Variants in ZNF521 observed in about 807,000 individuals in gnomAD.
ZNF521 encodes zinc finger protein 521.
In ZNF521, 14 loss-of-function variants were observed where a neutral mutation model predicts 105.5. The ratio of observed to expected loss-of-function variants is 0.13; its 90% CI spans 0.09 to 0.21. ZNF521 has a LOEUF of 0.21. ZNF521 is among the 10% of genes least tolerant of loss of function. ZNF521 has a pLI of 1.00. For missense variants in ZNF521, 1,233 were observed against 1,629.7 expected (o/e 0.76, Z 4.19); for synonymous variants, 635 against 606.0 (o/e 1.05, Z -0.70).
intron 3 of ZNF521, among the ~76,000 whole-genome samples, chr18:25,246,379 T>C (rs116913673): frequency 6.6e-6 from 1 of 152,220 alleles, no homozygotes; most frequent in Non-Finnish European, 1.5e-5. Context: ...TCAGTGCGTA[T>C]AACACCACAA....
At chr18:25,258,513 T>A (rs1447548507) in intron 3 of ZNF521, among the ~76,000 whole-genome samples, 1 of 152,078 alleles carries the variant, frequency 6.6e-6, no homozygotes, top group African/African-American at 2.4e-5. Context: ...CAAGAAAAAA[T>A]TCCTAATGGC....
intron 2 of ZNF521, among the ~76,000 whole-genome samples, chr18:25,338,259 T>TGTGTG (rs769552251): frequency 4.4e-5 from 6 of 136,508 alleles, no homozygotes; most frequent in Admixed American, 3.0e-4. Context: ...TCATAGACTT[T>TGTGTG]TGTGTGTGTG....
intron 3 of ZNF521, among the ~76,000 whole-genome samples, chr18:25,255,934 G>GTA (rs975278955): frequency 2.7e-5 from 4 of 148,224 alleles, no homozygotes; most frequent in Admixed American, 6.8e-5. Context: ...AAAATGTGGT[G>GTA]TATATATATG....
chr18:25,237,495 C>T (rs1453632952), intron 3 of ZNF521, among the ~76,000 whole-genome samples: 1 of 152,014 alleles, frequency 6.6e-6, no homozygotes, highest in Non-Finnish European at 1.5e-5. Flanking sequence ...AATATTCCAA[C>T]ACCTGTGACA....
At chr18:25,073,480 G>A (rs2033275750) in intron 7 of ZNF521, among the ~76,000 whole-genome samples, 1 of 152,142 alleles carries the variant, frequency 6.6e-6, no homozygotes, top group Non-Finnish European at 1.5e-5. Flanking sequence ...TTGAAATTTA[G>A]TTACACACTG....
chr18:25,099,506 A>G (rs1343470721), intron 5 of ZNF521, among the ~76,000 whole-genome samples: 1 of 152,180 alleles, frequency 6.6e-6, no homozygotes, highest in Non-Finnish European at 1.5e-5. Context: ...TTATTTCCAG[A>G]AGAAAAATAT....
chr18:25,245,862 A>C lies in ZNF521; in HGVS notation c.221-18165T>G, dbSNP rs566851432. Among the ~76,000 whole-genome samples, 3 of 152,198 alleles carry C rather than the reference A, an allele frequency of 2.0e-5. No individual in the cohort carries two copies. The Middle Eastern group carries it at 0.01, about 518-fold the overall frequency. ...ACCCATCTCTACAAAAAATTTAAAAATTAGCCAGATGTGATGGTACATGCC... is the reference window on the plus strand; with the variant it reads ...ACCCATCTCTACAAAAAATTTAAAACTTAGCCAGATGTGATGGTACATGCC... On this transcript the variant is annotated intron_variant, in intron 3 of 7. Transcript: ENST00000361524.
At chr18:25,112,217 C>T (rs1159302637) in intron 5 of ZNF521, among the ~76,000 whole-genome samples, 1 of 152,190 alleles carries the variant, frequency 6.6e-6, no homozygotes, top group African/African-American at 2.4e-5. Context: ...TGAAATGAAT[C>T]TCTTTAATAA....
intron 2 of ZNF521, among the ~76,000 whole-genome samples, chr18:25,348,606 G>A (rs1289563076): frequency 6.6e-6 from 1 of 152,160 alleles, no homozygotes; most frequent in Non-Finnish European, 1.5e-5. Flanking sequence ...TGATAGGAGA[G>A]AACAGCACTG....
intron 3 of ZNF521, among the ~76,000 whole-genome samples, chr18:25,254,747 C>T (rs562476250): frequency 6.6e-6 from 1 of 152,110 alleles, no homozygotes; most frequent in South Asian, 2.1e-4. Context: ...TATTTGATAC[C>T]CACTGTTTTC....
intron 7 of ZNF521, among the ~76,000 whole-genome samples, chr18:25,073,439 T>A (rs2033274592): frequency 6.6e-6 from 1 of 152,238 alleles, no homozygotes; most frequent in African/African-American, 2.4e-5. Context: ...TCCACTGGCA[T>A]CATTTACTTC....
In ZNF521 at chr18:25,225,096, G is replaced by T; in HGVS notation, c.2822C>A (p.Ser941Tyr). The T allele has an allele frequency of 6.2e-7, 1 of 1,614,180 alleles. No individual in the cohort carries two copies. The highest frequency in any genetic ancestry group is 8.5e-7 in the Non-Finnish European group (1 of 1,180,024). Reference protein sequence around the residue: ...KCNVCSRTFFSENGLREHMQT... With the variant: ...KCNVCSRTFFYENGLREHMQT... ...CATATGTTCCCGGAGGCCATTTTCG[G>T]AGAAGAAGGTTCGAGAGCACACGTT... The change falls in exon 4 of 8, where the codon TCC becomes TAC. Residue 941 changes from serine (S) to tyrosine (Y), a missense_variant. Physicochemically the swap from Ser to Tyr is moderately radical, Grantham distance 144. This residue lies in a region of ZNF521 where 614 missense variants were observed against 751.5 expected (regional missense o/e 0.82). Transcript: ENST00000361524. This position sits in a 1 kb window ranked among gnomAD's most constrained non-coding sequence, Gnocchi z 5.6.
At chr18:25,152,382 T>C (rs2035064325) in intron 5 of ZNF521, among the ~76,000 whole-genome samples, 2 of 150,556 alleles carry the variant, frequency 1.3e-5, no homozygotes, top group Admixed American at 1.3e-4. Context: ...GGGAGGCTGA[T>C]GTAGGAGAAT....
In ZNF521 at chr18:25,350,936, C is replaced by A; in HGVS notation, c.11G>T (p.Arg4Leu). 1 of 1,550,152 alleles carries A rather than the reference C, an allele frequency of 6.5e-7. No homozygotes were observed. Among genetic ancestry groups the A allele is most frequent in the Non-Finnish European group, 8.7e-7 (1 of 1,146,142 alleles). The change falls in exon 2 of 8, where the codon CGC becomes CTC. Residue 4 changes from arginine (R) to leucine (L), a missense_variant. Around this residue, in one of 6 missense-constraint regions of ZNF521, gnomAD observed 76 missense variants for 79.3 expected, o/e 0.96. Coordinates refer to ENST00000361524, the MANE Select transcript of ZNF521 (RefSeq NM_015461.3). MSR[R>L]KQAKPRSLKD... is the part of the protein sequence containing the mutation. ...GAGGGATCTCGGTTTCGCTTGCTTG[C>A]GGCGAGACATCCTAAAAGCAAACAG...
intron 3 of ZNF521, among the ~76,000 whole-genome samples, chr18:25,283,566 A>C (rs1910511800): frequency 6.6e-6 from 1 of 152,252 alleles, no homozygotes; most frequent in African/African-American, 2.4e-5. Flanking sequence ...TGCATTAAGT[A>C]TAATTAATTT....
At chr18:25,140,225 G>A (rs1002376583) in intron 5 of ZNF521, among the ~76,000 whole-genome samples, 5 of 152,076 alleles carry the variant, frequency 3.3e-5, no homozygotes, top group Non-Finnish European at 7.4e-5. Flanking sequence ...TCCCTTCTTA[G>A]CTTCCCTTTC....
At chr18:25,288,843 G>A (rs891889282) in intron 3 of ZNF521, among the ~76,000 whole-genome samples, 2 of 152,170 alleles carry the variant, frequency 1.3e-5, no homozygotes, top group Non-Finnish European at 2.9e-5. Context: ...TAACTCCACA[G>A]TTGTACATAA....
At chr18:25,275,218 T>A (rs1039966580) in intron 3 of ZNF521, among the ~76,000 whole-genome samples, 1 of 152,192 alleles carries the variant, frequency 6.6e-6, no homozygotes, top group Non-Finnish European at 1.5e-5. Flanking sequence ...TGAATAAACC[T>A]TTCTATCTCA....
At chr18:25,066,782 G>T (rs536025799) in intron 7 of ZNF521, among the ~76,000 whole-genome samples, 9 of 152,270 alleles carry the variant, frequency 5.9e-5, no homozygotes, top group African/African-American at 2.2e-4. Context: ...GAAAAATGCT[G>T]CCAGGCCATC....
Sources: gnomAD v4.1 joint callset for allele counts (sites outside exome capture counted in the v4.1 genomes callset) on GRCh38, gnomAD v4.1.1 for gene constraint, gnomAD v4.1.1 regional missense constraint, Gnocchi (gnomAD v3.1) non-coding constraint, MANE v1.5 for transcripts, NCBI Gene and HGNC (gene_info 2026-07-23, HGNC 2026-07-21) for gene names.